Variants in CACNA1I observed in about 807,000 individuals in gnomAD.
CACNA1I encodes the protein voltage-dependent T-type calcium channel subunit alpha-1I.
Under a neutral mutation model 201.6 loss-of-function variants are expected in CACNA1I, and 74 were observed. That is an observed-to-expected ratio of 0.37 (90% CI 0.30 to 0.45). The LOEUF is 0.45. CACNA1I is among the 20% of genes least tolerant of loss of function. The pLI, the probability that CACNA1I is intolerant of heterozygous loss-of-function variation, is 1.00. For missense variants in CACNA1I, 2,346 were observed against 3,138.1 expected, an observed-to-expected ratio of 0.75 and a Z score of 6.03; for synonymous variants, 1,431 against 1,345.2, an observed-to-expected ratio of 1.06 and a Z score of -1.40.
At chr22:39,602,739 C>T (rs887425394) in intron 3 of CACNA1I, among the ~76,000 whole-genome samples, 1 of 152,108 alleles carries the variant, frequency 6.6e-6, no homozygotes, top group African/African-American at 2.4e-5. Context: ...AGATCTGGTT[C>T]CTCTTTCTCG....
intron 11 of CACNA1I, 66 bp from the exon 12 acceptor site, chr22:39,658,865 C>A: frequency 7.4e-7 from 1 of 1,355,634 alleles, no homozygotes; most frequent in Non-Finnish European, 1.0e-6. Context: ...CCTCTGTCTT[C>A]CTCTCCCCCT....
At chr22:39,668,268 A>C (rs1481324023) in intron 23 of CACNA1I, 24 bp from the exon 24 acceptor site, 4 of 1,519,276 alleles carry the variant, frequency 2.6e-6, no homozygotes, top group Non-Finnish European at 3.7e-6. Context: ...TCACCCCTGC[A>C]TTCCGCCTCC....
intron 1 of CACNA1I, among the ~76,000 whole-genome samples, chr22:39,590,828 A>T (rs1932812168): frequency 6.6e-6 from 1 of 152,050 alleles, no homozygotes; most frequent in Non-Finnish European, 1.5e-5. Context: ...GCTAGGCCTG[A>T]ATTGGTTGAC....
rs1345715473 is a variant in CACNA1I at position 39,686,345 on chromosome 22, G to T, written c.6612G>T (p.Pro2204=). ...LPMGLGPLAP[P]PQPLPGELEP... is the part of the protein sequence containing the mutation. ...TGGGCCTGGGCCCCTTGGCGCCCCC[G>T]CCGCAACCGCTCCCCGGAGAGCTGG... Residue 2204 remains proline (P), a synonymous_variant, in exon 37 of 37, where the codon CCG becomes CCT. Coordinates refer to ENST00000402142, the MANE Select transcript of CACNA1I (RefSeq NM_021096.4). 6.1e-6 allele frequency: 8 copies of T among 1,311,670 alleles called. No homozygotes were observed. The African/African-American group carries it at 9.3e-5, about 15-fold the overall frequency. The allele number at this position is 1,311,670 out of a possible 1,614,324, so 81.3% of individuals were successfully genotyped here. A position where few individuals can be genotyped will look rare whatever the true frequency, so the allele number is the denominator to read the frequency against.
At chr22:39,576,599 G>A (rs927121318) in intron 1 of CACNA1I, among the ~76,000 whole-genome samples, 4 of 152,250 alleles carry the variant, frequency 2.6e-5, no homozygotes, top group Admixed American at 1.3e-4. Context: ...GGGAAGCAGT[G>A]ATGCATAGTG....
intron 29 of CACNA1I, 32 bp downstream of exon 29, chr22:39,674,065 G>A: frequency 6.2e-7 from 1 of 1,604,274 alleles, no homozygotes; most frequent in African/African-American, 1.3e-5. Context: ...AGCCCTCCTA[G>A]GGGTCATTGG....
intron 18 of CACNA1I, 21 bp from the exon 19 acceptor site, chr22:39,663,697 G>GCGCCCC: frequency 6.3e-7 from 1 of 1,592,626 alleles, no homozygotes; most frequent in Non-Finnish European, 8.6e-7. Context: ...CGCTCAGGCA[G>GCGCCCC]CCCCCGCCCA....
chr22:39,686,385 G>T lies in CACNA1I; in HGVS notation c.6652G>T (p.Ala2218Ser). The T allele has an allele frequency of 7.8e-7, 1 of 1,289,176 alleles. No homozygotes were observed. Among genetic ancestry groups the T allele is most frequent in the Non-Finnish European group, 9.8e-7 (1 of 1,015,672 alleles). The allele number at this position is 1,289,176 out of a possible 1,614,324, so 79.9% of individuals were successfully genotyped here. The change falls in exon 37 of 37, where the codon GCC (alanine) becomes TCC (serine). Residue 2218 changes from alanine to serine, a missense_variant. Around this residue, in one of 13 missense-constraint regions of CACNA1I, gnomAD observed 187 missense variants for 151.0 expected, o/e 1.24. Transcript: ENST00000402142. ...LPGELEPGDA[A>S]SKRKR ...CGGAGAGCTGGAGCCGGGAGACGCC[G>T]CCAGCAAGAGGAAGAGATGAGGGTC...
chr22:39,645,696 T>C (rs534960432), intron 7 of CACNA1I, among the ~76,000 whole-genome samples: 1 of 152,304 alleles, frequency 6.6e-6, no homozygotes, highest in Admixed American at 6.5e-5. Context: ...GGATGAAAGC[T>C]ATCTGCTCAG....
At chr22:39,611,399 G>A (rs193222494) in intron 3 of CACNA1I, among the ~76,000 whole-genome samples, 2 of 152,130 alleles carry the variant, frequency 1.3e-5, no homozygotes, top group Admixed American at 1.3e-4. Context: ...ACATGAAGGG[G>A]TTGTACATTT....
chr22:39,614,685 G>C (rs1933480095), intron 3 of CACNA1I, among the ~76,000 whole-genome samples: 1 of 152,192 alleles, frequency 6.6e-6, no homozygotes, highest in Admixed American at 6.5e-5. Flanking sequence ...TGGGTCTCTG[G>C]ACCTCTGCTA....
At chr22:39,610,034 C>T (rs1446896121) in intron 3 of CACNA1I, among the ~76,000 whole-genome samples, 1 of 152,208 alleles carries the variant, frequency 6.6e-6, no homozygotes, top group Non-Finnish European at 1.5e-5. Flanking sequence ...CACTTGGATG[C>T]CCAGAAGCCT....
chr22:39,587,117 T>A (rs1436347196), intron 1 of CACNA1I, among the ~76,000 whole-genome samples: 1 of 152,198 alleles, frequency 6.6e-6, no homozygotes, highest in East Asian at 1.9e-4. Context: ...AGCCTCTGTT[T>A]CCTGCCATTG....
intron 10 of CACNA1I, among the ~76,000 whole-genome samples, chr22:39,653,077 G>A (rs866997492): frequency 8.1e-6 from 1 of 123,864 alleles, no homozygotes; most frequent in East Asian, 2.0e-4. Flanking sequence ...CATTGTGGGT[G>A]CACGGAGCCC....
chr22:39,585,694 A>G (rs1407212529), intron 1 of CACNA1I, among the ~76,000 whole-genome samples: 1 of 132,034 alleles, frequency 7.6e-6, no homozygotes, highest in Non-Finnish European at 1.5e-5. Context: ...GCCCAGCTGT[A>G]AACTTAAAAA....
intron 1 of CACNA1I, among the ~76,000 whole-genome samples, chr22:39,575,535 A>G (rs756085363): frequency 6.6e-6 from 1 of 152,124 alleles, no homozygotes; most frequent in Non-Finnish European, 1.5e-5. Context: ...CTTTAGATAG[A>G]ACATAACACC....
rs1350612944 is a variant in CACNA1I, at chr22:39,670,870, C to T, written c.4455C>T (p.Thr1485=). 6.2e-7 allele frequency: 1 copy of T among 1,613,838 alleles called. No individual in the cohort carries two copies. Among genetic ancestry groups the T allele is most frequent in the Non-Finnish European group, 8.5e-7 (1 of 1,179,860 alleles). Reference sequence around the variant, plus strand: ...GGCTGCTCATCCACTCCATGTGCACCAGCCACTACCTGGACATCTTCATCA... The same window carrying T: ...GGCTGCTCATCCACTCCATGTGCACTAGCCACTACCTGGACATCTTCATCA... ...HTRLLIHSMC[T]SHYLDIFITF... Residue 1485 remains threonine, a synonymous_variant, in exon 26 of 37, where the codon ACC becomes ACT. Transcript: ENST00000402142.
intron 4 of CACNA1I, among the ~76,000 whole-genome samples, chr22:39,626,318 G>A (rs557166808): frequency 1.2e-4 from 19 of 152,348 alleles, no homozygotes; most frequent in African/African-American, 4.3e-4. Flanking sequence ...AGCCTCGTGT[G>A]CCTACGCGAT....
At chr22:39,650,466 G>C (rs183838117) in intron 10 of CACNA1I, among the ~76,000 whole-genome samples, 1 of 152,290 alleles carries the variant, frequency 6.6e-6, no homozygotes, top group Admixed American at 6.5e-5. Flanking sequence ...GGGCCCTTCT[G>C]TCCATTCCCC....
Sources: gnomAD v4.1 joint callset for allele counts (sites outside exome capture counted in the v4.1 genomes callset) on GRCh38, gnomAD v4.1.1 for gene constraint, gnomAD v4.1.1 regional missense constraint, MANE v1.5 for transcripts, NCBI Gene and HGNC (gene_info 2026-07-23, HGNC 2026-07-21) for gene names.